The following RAI1 variants were observed in gnomAD, a reference collection of about 807,000 sequenced individuals.
RAI1 encodes retinoic acid-induced protein 1.
Under a neutral mutation model 123.8 loss-of-function variants are expected in RAI1, and 9 were observed. That is an observed-to-expected ratio of 0.07 (90% CI 0.04 to 0.13). The LOEUF (loss-of-function observed/expected upper bound fraction) is 0.13, where lower values mean the gene tolerates loss of function less well. Ranked by LOEUF, RAI1 falls within the 10% of genes least tolerant of loss-of-function variation. RAI1 has a pLI of 1.00. For synonymous variants in RAI1, 1,231 were observed against 1,127.3 expected (o/e 1.09, Z -1.84); for missense variants, 2,256 against 2,545.8 (o/e 0.89, Z 2.45).
At chr17:17,724,327 G>C (rs1915999065) in intron 2 of RAI1, among the ~76,000 whole-genome samples, 168 bp downstream of exon 2, 1 of 151,200 alleles carries the variant, frequency 6.6e-6, no homozygotes, top group South Asian at 2.1e-4. Flanking sequence ...ATCTTGGCTG[G>C]AGTTGCGGAT....
intron 2 of RAI1, among the ~76,000 whole-genome samples, chr17:17,729,080 ACCTGGGCAAGG>A (rs1244931393): frequency 4.6e-5 from 7 of 152,094 alleles, no homozygotes; most frequent in South Asian, 2.1e-4. Context: ...ACCTTTGCCA[ACCTGGGCAAGG>A]CCTGCCTCGC....
At position 17,793,940 on chromosome 17, in the gene RAI1, C is replaced by T; in HGVS notation, c.992C>T (p.Pro331Leu). ...CAGCCGGACGCAGCCGTCCGGACCCCAGAGCAGTACTACCAGACCTTCAGC... is the reference window on the plus strand; with the variant it reads ...CAGCCGGACGCAGCCGTCCGGACCCTAGAGCAGTACTACCAGACCTTCAGC... The part of the protein sequence containing the change: ...YCQPDAAVRT[P>L]EQYYQTFSPS... The change falls in exon 3 of 6, where the codon CCA (proline) becomes CTA (leucine). Residue 331 changes from proline (P) to leucine (L), a missense_variant. By Grantham distance (98) the Pro-to-Leu change is moderately conservative. Coordinates refer to ENST00000353383, the MANE Select transcript of RAI1 (RefSeq NM_030665.4). 1 of 1,613,972 alleles carries T rather than the reference C, an allele frequency of 6.2e-7. No individual in the cohort carries two copies. Among genetic ancestry groups the T allele is most frequent in the South Asian group, 1.1e-5 (1 of 91,086 alleles).
intron 1 of RAI1, among the ~76,000 whole-genome samples, chr17:17,702,406 A>G (rs1915250888): frequency 6.6e-6 from 1 of 152,190 alleles, no homozygotes; most frequent in South Asian, 2.1e-4. Context: ...CAAGCCTCGG[A>G]TGATGATTGT....
intron 2 of RAI1, 128 bp from the exon 3 acceptor site, chr17:17,792,805 G>T: frequency 2.7e-6 from 2 of 747,148 alleles, no homozygotes; most frequent in Non-Finnish European, 4.5e-6. Context: ...GGGTGGGGAG[G>T]TGGGTGGGAG....
chr17:17,784,617 AG>A (rs768731279), intron 2 of RAI1, among the ~76,000 whole-genome samples: 1 of 151,846 alleles, frequency 6.6e-6, no homozygotes, highest in African/African-American at 2.4e-5. Context: ...AGGCCAGGAG[AG>A]GGGGGGTGTA....
intron 2 of RAI1, among the ~76,000 whole-genome samples, chr17:17,787,080 A>G (rs1184831648): frequency 6.6e-6 from 1 of 152,190 alleles, no homozygotes; most frequent in Non-Finnish European, 1.5e-5. Context: ...TAGCAGTCAC[A>G]CCTAGCCTAT....
intron 1 of RAI1, among the ~76,000 whole-genome samples, chr17:17,688,961 A>T (rs925276659): frequency 1.0e-3 from 135 of 131,286 alleles, no homozygotes; most frequent in African/African-American, 3.3e-3. Flanking sequence ...TATGATTATT[A>T]TTTTTTTTTT....
At chr17:17,808,924 TAGTG>T (rs1222818905) in intron 4 of RAI1, among the ~76,000 whole-genome samples, 1 of 152,152 alleles carries the variant, frequency 6.6e-6, no homozygotes, top group African/African-American at 2.4e-5. Flanking sequence ...CACTGGAAGT[TAGTG>T]AGCTCTTCCA....
rs1005059720 is a variant in RAI1, at chr17:17,798,569, C to T, written c.5565+56C>T. 2.2e-5 allele frequency: 35 copies of T among 1,591,052 alleles called. No homozygotes were observed. In the Middle Eastern group the frequency reaches 6.2e-4, roughly 28 times the overall value. ...TGTGGGGTTCCAAAGGACAGGCAGG[C>T]AGGCAGTCGGGGAGCCCCTTGTTTC... On this transcript the variant is annotated intron_variant, in intron 3 of 5. Coordinates refer to ENST00000353383, the MANE Select transcript of RAI1 (RefSeq NM_030665.4).
rs953218281 is a variant in RAI1 at position 17,718,385 on chromosome 17, C to A, written c.-148-5643C>A. ...GCTAAAATATCAAGCTCTTTGCTTT[C>A]AAAGAAAAGCATTTTCTCGAGTGTT... On this transcript the variant is annotated intron_variant, in intron 1 of 5. Transcript: ENST00000353383. Among the ~76,000 whole-genome samples, 4 of 152,230 alleles carry A rather than the reference C, an allele frequency of 2.6e-5. No homozygotes were observed. In the East Asian group the frequency reaches 7.7e-4, roughly 29 times the overall value.
chr17:17,694,610 C>A (rs951737152), intron 1 of RAI1, among the ~76,000 whole-genome samples: 6 of 151,762 alleles, frequency 4.0e-5, no homozygotes, highest in African/African-American at 1.4e-4. Context: ...CGCTTCCTGC[C>A]GGTCCCGCCC....
chr17:17,709,622 C>T (rs1277153468), intron 1 of RAI1, among the ~76,000 whole-genome samples: 1 of 152,214 alleles, frequency 6.6e-6, no homozygotes, highest in African/African-American at 2.4e-5. Context: ...GCCCCCAGGC[C>T]CCTGGCCTCA....
chr17:17,716,393 T>C (rs566969652), intron 1 of RAI1, among the ~76,000 whole-genome samples: 1 of 152,386 alleles, frequency 6.6e-6, no homozygotes, highest in African/African-American at 2.4e-5. Context: ...TTTATATGTA[T>C]ACATGTGTAT....
At position 17,809,143 on chromosome 17, in the gene RAI1, C is replaced by A; in HGVS notation, c.5660-247C>A. On this transcript the variant is annotated intron_variant, in intron 4 of 5. Transcript: ENST00000353383. The surrounding 1 kb of genome is among the most constrained non-coding windows in gnomAD (Gnocchi z 4.9). The stretch of plus-strand genomic sequence containing the variant: ...GTGAGGAGGGGCGGCACGTGGAACT[C>A]AGGGGGAAAAGCTCTCCGCGGAGGA... 1 of 588,676 alleles carries A rather than the reference C, an allele frequency of 1.7e-6. No homozygotes were observed. Among genetic ancestry groups the A allele is most frequent in the Non-Finnish European group, 3.1e-6 (1 of 324,808 alleles). 36.5% of individuals were successfully genotyped at this position (588,676 alleles called of 1,614,324 possible). A position where few individuals can be genotyped will look rare whatever the true frequency, so the allele number is the denominator to read the frequency against.
chr17:17,780,829 C>T (rs1406751686), intron 2 of RAI1, among the ~76,000 whole-genome samples: 1 of 152,208 alleles, frequency 6.6e-6, no homozygotes, highest in Non-Finnish European at 1.5e-5. Flanking sequence ...AGAACCCCCA[C>T]TCTGTAATGC....
At chr17:17,717,681 GC>G (rs1290222201) in intron 1 of RAI1, among the ~76,000 whole-genome samples, 8 of 152,082 alleles carry the variant, frequency 5.3e-5, no homozygotes, top group Admixed American at 5.2e-4. Flanking sequence ...CCCCACCTGG[GC>G]CCTCTGAACC....
At chr17:17,782,970 A>G (rs1211001347) in intron 2 of RAI1, among the ~76,000 whole-genome samples, 1 of 152,046 alleles carries the variant, frequency 6.6e-6, no homozygotes, top group Non-Finnish European at 1.5e-5. Flanking sequence ...GGCCTCATTT[A>G]TCATCATCTT....
At chr17:17,720,288 C>T (rs1054956718) in intron 1 of RAI1, among the ~76,000 whole-genome samples, 3 of 152,218 alleles carry the variant, frequency 2.0e-5, no homozygotes, top group Non-Finnish European at 4.4e-5. Context: ...CTAGGTTCTC[C>T]AGAACACAGC....
chr17:17,719,068 C>A (rs1915797276), intron 1 of RAI1, among the ~76,000 whole-genome samples: 1 of 152,192 alleles, frequency 6.6e-6, no homozygotes, highest in Non-Finnish European at 1.5e-5. Context: ...TTCTCATCGG[C>A]CCCACCCTGG....
Sources: gnomAD v4.1 joint callset for allele counts (sites outside exome capture counted in the v4.1 genomes callset) on GRCh38, gnomAD v4.1.1 for gene constraint, Gnocchi (gnomAD v3.1) non-coding constraint, MANE v1.5 for transcripts, NCBI Gene and HGNC (gene_info 2026-07-23, HGNC 2026-07-21) for gene names.